The following NLRP7 variants were observed in gnomAD, a reference collection of about 807,000 sequenced individuals.
The protein encoded by NLRP7 is NLR family pyrin domain containing 7, also known as NACHT, LRR and PYD domains-containing protein 7.
A neutral mutation model predicts 85.5 loss-of-function variants in NLRP7; 72 were observed. The ratio of observed to expected loss-of-function variants is 0.84; its 90% CI spans 0.70 to 1.02. The LOEUF is 1.02. Ranked by LOEUF, NLRP7 falls within the 50% of genes least tolerant of loss-of-function variation. NLRP7 has a pLI of 0.00. For synonymous variants in NLRP7, 550 were observed against 505.2 expected (o/e 1.09, Z -1.19); for missense variants, 1,243 against 1,219.5 (o/e 1.02, Z -0.29).
chr19:54,948,199 C>G (rs562017322), upstream of NLRP7, among the ~76,000 whole-genome samples: 2 of 152,080 alleles, frequency 1.3e-5, no homozygotes, highest in Non-Finnish European at 2.9e-5. Context: ...GACTGGCCAA[C>G]GTGGTGAAAC....
At chr19:54,926,360 T>C (rs1162520697) in intron 9 of NLRP7, among the ~76,000 whole-genome samples, 1 of 152,178 alleles carries the variant, frequency 6.6e-6, no homozygotes, top group Non-Finnish European at 1.5e-5. Flanking sequence ...TAGAAAAGTA[T>C]CTAATTTTTA....
intron 5 of NLRP7, among the ~76,000 whole-genome samples, chr19:54,937,074 C>T (rs1389374357): frequency 2.7e-5 from 4 of 150,378 alleles, no homozygotes; most frequent in South Asian, 2.1e-4. Context: ...AAAAACTAGC[C>T]GGGCGTGGTG....
intron 6 of NLRP7, among the ~76,000 whole-genome samples, chr19:54,935,725 G>A (rs1286736580): frequency 6.6e-6 from 1 of 151,568 alleles, no homozygotes; most frequent in Non-Finnish European, 1.5e-5. Flanking sequence ...TTCTCATTGA[G>A]TGCAGAGAAG....
chr19:54,924,810 A>G (rs935070026), intron 9 of NLRP7, among the ~76,000 whole-genome samples: 1 of 151,982 alleles, frequency 6.6e-6, no homozygotes, highest in African/African-American at 2.4e-5. Context: ...GTGGCAGACA[A>G]CTGTAATACC....
intron 5 of NLRP7, among the ~76,000 whole-genome samples, chr19:54,937,186 C>G (rs1482693243): frequency 6.6e-6 from 1 of 151,016 alleles, no homozygotes; most frequent in Non-Finnish European, 1.5e-5. Context: ...GCACTGCACT[C>G]CAGCCTGGGG....
chr19:54,925,517 A>T (rs762687731), intron 9 of NLRP7, among the ~76,000 whole-genome samples: 5 of 152,086 alleles, frequency 3.3e-5, no homozygotes, highest in Non-Finnish European at 7.3e-5. Flanking sequence ...CTTGAATAAG[A>T]CAAGTGGGCT....
chr19:54,961,265 C>T (rs984814667), intron 1 of NLRP7, among the ~76,000 whole-genome samples: 5 of 151,932 alleles, frequency 3.3e-5, no homozygotes, highest in African/African-American at 9.7e-5. Flanking sequence ...AATTCCAGCA[C>T]TTTGGGAGGC....
intron 9 of NLRP7, among the ~76,000 whole-genome samples, 174 bp downstream of exon 9, chr19:54,930,325 G>A (rs896876479): frequency 6.6e-6 from 1 of 151,808 alleles, no homozygotes; most frequent in South Asian, 2.1e-4. Context: ...ACCTGGCCAT[G>A]GTAATACATG....
intron 1 of NLRP7, among the ~76,000 whole-genome samples, chr19:54,944,861 A>G (rs1175282318): frequency 6.6e-6 from 1 of 152,152 alleles, no homozygotes; most frequent in Non-Finnish European, 1.5e-5. Flanking sequence ...AATGATTACC[A>G]CAATCCAGCT....
chr19:54,953,271 A>G (rs2069730176), intron 1 of NLRP7: 1 of 152,066 alleles, frequency 6.6e-6, no homozygotes, highest in African/African-American at 2.4e-5. Context: ...CCGTCTCAAG[A>G]GCCGAGATCC....
intron 1 of NLRP7, among the ~76,000 whole-genome samples, chr19:54,952,549 C>T (rs112588104): frequency 0.022 from 3,335 of 150,144 alleles, 51 homozygotes; most frequent in Middle Eastern, 0.041. Context: ...AGCAAAGATC[C>T]TGCCACTGCA....
rs1020676269 is a variant in NLRP7, at chr19:54,965,123, C to T, written c.-77+917G>A. On this transcript the variant is annotated intron_variant, in intron 1 of 2. Coordinates refer to the NLRP7 transcript ENST00000587103. ...GCGTTCGTGCTTTGAAATGAGGCTC[C>T]ACATAGGTAAGTTTAACAGGCAGTC... 1.2e-4 allele frequency: 12 copies of T among 102,398 alleles called. 5 individuals are homozygous for T. The highest frequency in any genetic ancestry group is 5.4e-4 in the African/African-American group (12 of 22,144). The allele number at this position is 102,398 out of a possible 1,614,324, so 6.3% of individuals were successfully genotyped here. A position where few individuals can be genotyped will look rare whatever the true frequency, so the allele number is the denominator to read the frequency against.
At chr19:54,960,124 C>T (rs1261636270) in intron 1 of NLRP7, among the ~76,000 whole-genome samples, 1 of 151,894 alleles carries the variant, frequency 6.6e-6, no homozygotes, top group Non-Finnish European at 1.5e-5. Flanking sequence ...CAACAGAAGT[C>T]TGGTGTTTCT....
At chr19:54,941,707 G>T (rs2069235624) in exon 2 of NLRP7, 2 of 1,612,352 alleles carry the variant, frequency 1.2e-6, no homozygotes, top group African/African-American at 2.7e-5. Context: ...CTGGGGCGAT[G>T]TCATAGTGCT....
intron 1 of NLRP7, 65 bp from the exon 2 acceptor site, chr19:54,941,815 T>G (rs1469806229): frequency 1.6e-6 from 2 of 1,226,764 alleles, no homozygotes; most frequent in Non-Finnish European, 1.1e-6. Context: ...CAGTTTCCTG[T>G]GTGCCAAGAA....
In NLRP7 at chr19:54,945,608, C is replaced by CT. The variant is rs2069435480; in HGVS notation, c.-40+1860dup. Among the ~76,000 whole-genome samples, 3 of 149,514 alleles carry CT rather than the reference C, an allele frequency of 2.0e-5. No individual in the cohort carries two copies. In the South Asian group the frequency reaches 6.4e-4, roughly 32 times the overall value. ...CCCAAGTACATTTTTTTCTTTTTTTCTTTTTTTTGAGATGGAGTCTCCCTC... is the reference window on the plus strand; with the variant it reads ...CCCAAGTACATTTTTTTCTTTTTTTCTTTTTTTTTGAGATGGAGTCTCCCTC... On this transcript the variant is annotated intron_variant, in intron 1 of 9. Coordinates refer to ENST00000340844, the Ensembl canonical transcript of NLRP7.
chr19:54,962,003 G>A (rs1186786492), intron 1 of NLRP7, among the ~76,000 whole-genome samples: 2 of 148,756 alleles, frequency 1.3e-5, no homozygotes, highest in Non-Finnish European at 3.0e-5. Flanking sequence ...ATCTCTACTA[G>A]AACTACAAAA....
rs2069240715 is a variant in NLRP7 at position 54,941,769 on chromosome 19, A to G, written c.-39-19T>C. 6.4e-7 allele frequency: 1 copy of G among 1,562,508 alleles called. No individual in the cohort carries two copies. Among genetic ancestry groups the G allele is most frequent in the South Asian group, 1.2e-5 (1 of 83,442 alleles). On this transcript the variant is annotated intron_variant, in intron 1 of 9. Transcript: ENST00000340844. ...TGAAGAACTGGGGGGAAAAAAGGAA[A>G]AACAGTTCACGAGTTACCATCATTA...
chr19:54,943,987 T>G (rs895899930), intron 1 of NLRP7, among the ~76,000 whole-genome samples: 1 of 152,000 alleles, frequency 6.6e-6, no homozygotes, highest in African/African-American at 2.4e-5. Flanking sequence ...ATCACCACTC[T>G]CTAATCTCAA....
Sources: gnomAD v4.1 joint callset for allele counts (sites outside exome capture counted in the v4.1 genomes callset) on GRCh38, gnomAD v4.1.1 for gene constraint, MANE v1.5 for transcripts, NCBI Gene and HGNC (gene_info 2026-07-23, HGNC 2026-07-21) for gene names.